The following TMEM248 variants were observed in gnomAD, a reference collection of about 807,000 sequenced individuals.
TMEM248 encodes transmembrane protein 248.
In TMEM248, 9 loss-of-function variants were observed where a neutral mutation model predicts 30.3. That is an observed-to-expected ratio of 0.30 (90% CI 0.18 to 0.52). The LOEUF (loss-of-function observed/expected upper bound fraction) is 0.52, where lower values mean the gene tolerates loss of function less well. Ranked by LOEUF, TMEM248 falls within the 20% of genes least tolerant of loss-of-function variation. The pLI is 0.97. For missense variants in TMEM248, 338 were observed against 403.3 expected, an observed-to-expected ratio of 0.84 and a Z score of 1.39; for synonymous variants, 184 against 154.4, an observed-to-expected ratio of 1.19 and a Z score of -1.42.
At chr7:66,953,443 T>C in intron 6 of TMEM248, 74 bp downstream of exon 6, 1 of 1,551,276 alleles carries the variant, frequency 6.4e-7, no homozygotes, top group Non-Finnish European at 8.7e-7. Flanking sequence ...GTTATCCTTA[T>C]TCTATTTATT....
chr7:66,943,438 T>C (rs1480993230), intron 2 of TMEM248, among the ~76,000 whole-genome samples: 1 of 152,230 alleles, frequency 6.6e-6, no homozygotes, highest in East Asian at 1.9e-4. Context: ...ACTTTGGTTA[T>C]GATTAGTTTC....
intron 6 of TMEM248, among the ~76,000 whole-genome samples, chr7:66,954,646 A>G (rs1016618935): frequency 2.0e-5 from 3 of 151,950 alleles, no homozygotes; most frequent in Non-Finnish European, 2.9e-5. Context: ...ATCCACCCAC[A>G]TTGGCCTCTC....
At chr7:66,954,674 A>G (rs143796925) in intron 6 of TMEM248, among the ~76,000 whole-genome samples, 63 of 152,300 alleles carry the variant, frequency 4.1e-4, no homozygotes, top group Non-Finnish European at 6.8e-4. Context: ...ACAGGTGATT[A>G]CAGGTGTGAG....
chr7:66,932,322 T>G (rs1791689686), intron 1 of TMEM248, among the ~76,000 whole-genome samples: 1 of 152,220 alleles, frequency 6.6e-6, no homozygotes, highest in Non-Finnish European at 1.5e-5. Flanking sequence ...TATAACACAG[T>G]CTTTTCCTGG....
intron 1 of TMEM248, among the ~76,000 whole-genome samples, chr7:66,937,576 G>A (rs750744228): frequency 6.6e-6 from 1 of 152,114 alleles, no homozygotes; most frequent in African/African-American, 2.4e-5. Context: ...ACATCATCTT[G>A]CTGAATTGAC....
At chr7:66,931,129 C>G (rs1175575778) in intron 1 of TMEM248, among the ~76,000 whole-genome samples, 2 of 151,634 alleles carry the variant, frequency 1.3e-5, no homozygotes, top group Non-Finnish European at 2.9e-5. Flanking sequence ...ATGGTGAAAC[C>G]CCATCTCTAC....
At chr7:66,947,402 G>T (rs139088074) in intron 3 of TMEM248, among the ~76,000 whole-genome samples, 4 of 151,782 alleles carry the variant, frequency 2.6e-5, no homozygotes, top group African/African-American at 7.2e-5. Flanking sequence ...ACACCTTCGG[G>T]ATTTTTTGTT....
chr7:66,924,038 T>C (rs1311323378), intron 1 of TMEM248, among the ~76,000 whole-genome samples: 1 of 152,234 alleles, frequency 6.6e-6, no homozygotes, highest in Non-Finnish European at 1.5e-5. Flanking sequence ...CATAAAACAA[T>C]GCTTAACTTA....
chr7:66,934,905 A>C (rs1791763103), intron 1 of TMEM248, among the ~76,000 whole-genome samples: 1 of 151,902 alleles, frequency 6.6e-6, no homozygotes, highest in South Asian at 2.1e-4. Context: ...AAAGACAAAA[A>C]TTAGCCAGGC....
At chr7:66,946,811 A>C (rs1257536169) in intron 3 of TMEM248, among the ~76,000 whole-genome samples, 1 of 152,330 alleles carries the variant, frequency 6.6e-6, no homozygotes, top group African/African-American at 2.4e-5. Context: ...GTGTTGCAGG[A>C]GAAGGGCTAG....
In TMEM248 at chr7:66,956,318, C is replaced by T. The variant is rs994344192; in HGVS notation, c.*796C>T. 3.9e-5 allele frequency: 6 copies of T among 152,154 alleles called. No homozygotes were observed. Among genetic ancestry groups the T allele is most frequent in the Non-Finnish European group, 7.3e-5 (5 of 68,038 alleles). The allele number at this position is 152,154 out of a possible 1,614,324, so 9.4% of individuals were successfully genotyped here. A position where few individuals can be genotyped will look rare whatever the true frequency, so the allele number is the denominator to read the frequency against. On this transcript the variant is annotated 3_prime_UTR_variant, in exon 7 of 7. Coordinates refer to ENST00000341567, the MANE Select transcript of TMEM248 (RefSeq NM_017994.5). ...TACTGTCTTGTCGTCCACTCTTGTCCCTCCCTTCTGTTATCAAAGTTAAAG... is the reference window on the plus strand; with the variant it reads ...TACTGTCTTGTCGTCCACTCTTGTCTCTCCCTTCTGTTATCAAAGTTAAAG...
At position 66,921,455 on chromosome 7, in the gene TMEM248, G is replaced by C. The variant is rs1791382645; in HGVS notation, c.-25G>C. 6.6e-6 allele frequency: 1 copy of C among 150,580 alleles called. No individual in the cohort carries two copies. Among genetic ancestry groups the C allele is most frequent in the Admixed American group, 6.6e-5 (1 of 15,096 alleles). 9.3% of individuals were successfully genotyped at this position (150,580 alleles called of 1,614,324 possible). Reference sequence around the variant, plus strand: ...GCCCGGGGCGCGCAGCTGCCCGCCGGGGCGGGGTGAGCCGGGGCTGGAGGG... The same window carrying C: ...GCCCGGGGCGCGCAGCTGCCCGCCGCGGCGGGGTGAGCCGGGGCTGGAGGG... On this transcript the variant is annotated 5_prime_UTR_variant, in exon 1 of 7. Coordinates refer to ENST00000341567, the MANE Select transcript of TMEM248 (RefSeq NM_017994.5).
At chr7:66,942,081 C>T (rs1337737852) in intron 2 of TMEM248, 57 bp downstream of exon 2, 2 of 1,555,616 alleles carry the variant, frequency 1.3e-6, no homozygotes, top group South Asian at 1.2e-5. Context: ...TGGGGCAACA[C>T]CCTGTGGCTT....
chr7:66,944,202 T>C (rs527368325), intron 2 of TMEM248, among the ~76,000 whole-genome samples: 2 of 151,018 alleles, frequency 1.3e-5, no homozygotes, highest in South Asian at 4.2e-4. Flanking sequence ...CCTCCCAGGT[T>C]CAAGCGATTC....
chr7:66,944,107 T>G (rs1396984100), intron 2 of TMEM248, among the ~76,000 whole-genome samples: 3 of 143,450 alleles, frequency 2.1e-5, no homozygotes, highest in Non-Finnish European at 4.6e-5. Context: ...AGATGGCTTT[T>G]TTTTTTTTTT....
At chr7:66,944,919 G>C (rs74848881) in intron 2 of TMEM248, 57 bp from the exon 3 acceptor site, 29 of 1,577,724 alleles carry the variant, frequency 1.8e-5, no homozygotes, top group Non-Finnish European at 2.4e-5. Context: ...CTGTATTCCC[G>C]CAGTGGGAGA....
Position 66,958,122 on chromosome 7 carries a change from G to C in TMEM248, c.*2600G>C, listed in dbSNP as rs1448480564. Reference sequence around the variant, plus strand: ...ATTCGAAGTGTGCAACAGACGGAGTGCGCTTGCTGTTCAGGGCGGCCCCGT... The same window carrying C: ...ATTCGAAGTGTGCAACAGACGGAGTCCGCTTGCTGTTCAGGGCGGCCCCGT... On this transcript the variant is annotated 3_prime_UTR_variant, in exon 7 of 7. Transcript: ENST00000341567. 2 of 152,724 alleles carry C rather than the reference G, an allele frequency of 1.3e-5. No individual in the cohort carries two copies. 9.5% of individuals were successfully genotyped at this position (152,724 alleles called of 1,614,324 possible).
Position 66,937,112 on chromosome 7 carries a change from GT to G in TMEM248, c.-18-4732del, listed in dbSNP as rs113107693. Among the ~76,000 whole-genome samples, 193 of 152,034 alleles carry G rather than the reference GT, an allele frequency of 1.3e-3. 1 individual carries two copies. Among genetic ancestry groups the G allele is most frequent in the African/African-American group, 4.5e-3 (186 of 41,488 alleles). On this transcript the variant is annotated intron_variant, in intron 1 of 6. Coordinates refer to ENST00000341567, the MANE Select transcript of TMEM248 (RefSeq NM_017994.5). ...GATCCCATAGGTTTTGGTATGTTGT[GT>G]TTTCATTTTCATTTGTTTCAAGACA...
chr7:66,924,798 C>T (rs1351353866), intron 1 of TMEM248, among the ~76,000 whole-genome samples: 4 of 151,982 alleles, frequency 2.6e-5, no homozygotes, highest in South Asian at 2.1e-4. Flanking sequence ...CAACCTTCGC[C>T]GCCCAGTTTC....
Sources: gnomAD v4.1 joint callset for allele counts (sites outside exome capture counted in the v4.1 genomes callset) on GRCh38, gnomAD v4.1.1 for gene constraint, MANE v1.5 for transcripts, NCBI Gene and HGNC (gene_info 2026-07-23, HGNC 2026-07-21) for gene names.